SV2A: variants seen among roughly 807,000 people sequenced by gnomAD.
SV2A encodes synaptic vesicle glycoprotein 2A.
Under a neutral mutation model 78.0 loss-of-function variants are expected in SV2A, and 25 were observed. The ratio of observed to expected loss-of-function variants is 0.32; its 90% CI spans 0.23 to 0.45. SV2A has a LOEUF of 0.45. SV2A is among the 20% of genes least tolerant of loss of function. The pLI, the probability that SV2A is intolerant of heterozygous loss-of-function variation, is 1.00. For synonymous variants in SV2A, 355 were observed against 384.7 expected, an observed-to-expected ratio of 0.92 and a Z score of 0.90; for missense variants, 752 against 971.5, an observed-to-expected ratio of 0.77 and a Z score of 3.00.
At chr1:149,905,721 G>A (rs1423778149) in intron 12 of SV2A, 159 bp downstream of exon 12, 15 of 993,200 alleles carry the variant, frequency 1.5e-5, no homozygotes, top group Non-Finnish European at 2.3e-5. Context: ...GGGATTACAG[G>A]CATGAGTCAC....
Position 149,910,029 on chromosome 1 carries a change from G to T in SV2A, c.1090-139C>A. 1.3e-6 allele frequency: 1 copy of T among 750,156 alleles called. No homozygotes were observed. The highest frequency in any genetic ancestry group is 2.3e-6 in the Non-Finnish European group (1 of 439,712). The allele number at this position is 750,156 out of a possible 1,614,324, so 46.5% of individuals were successfully genotyped here. ...GCCCTCAACCCCACCACCAAGCCCT[G>T]ACCTATGGGCATGCACTCACCACTC... On this transcript the variant is annotated intron_variant, in intron 5 of 12. Coordinates refer to ENST00000369146, the MANE Select transcript of SV2A (RefSeq NM_014849.5). This position sits in a 1 kb window ranked among gnomAD's most constrained non-coding sequence, Gnocchi z 4.2.
chr1:149,909,165 C>T lies in SV2A; in HGVS notation c.1379+27G>A, dbSNP rs781952744. On this transcript the variant is annotated intron_variant, in intron 8 of 12. Transcript: ENST00000369146. ...CCCACACACCACCACAACCACCACA[C>T]ATCACCCAGCCCACCCATCTCCTCA... 5 of 1,607,814 alleles carry T rather than the reference C, an allele frequency of 3.1e-6. No individual in the cohort carries two copies. In the African/African-American group the frequency reaches 6.7e-5, roughly 22 times the overall value.
At chr1:149,911,323 CA>C (rs1411786521) in intron 3 of SV2A, among the ~76,000 whole-genome samples, 2 of 152,160 alleles carry the variant, frequency 1.3e-5, no homozygotes, top group Non-Finnish European at 2.9e-5. Flanking sequence ...TGGGAATGGC[CA>C]GAAAGGAGCT....
intron 1 of SV2A, 122 bp from the exon 2 acceptor site, chr1:149,914,309 CT>C (rs111783832): frequency 0.017 from 2,726 of 155,904 alleles, 68 homozygotes; most frequent in African/African-American, 0.059. Context: ...GGTCTTCTCG[CT>C]TTAGGCTCCC....
chr1:149,907,956 A>T, intron 9 of SV2A, 86 bp downstream of exon 9: 5 of 1,572,324 alleles, frequency 3.2e-6, no homozygotes, highest in South Asian at 1.2e-5. Flanking sequence ...TTGCCCCCCA[A>T]ATGTCTTGTC....
At chr1:149,905,549 G>T in intron 12 of SV2A, 1 of 307,318 alleles carries the variant, frequency 3.3e-6, no homozygotes. Flanking sequence ...CACCTCCCGG[G>T]TTCAAGCAAT....
At chr1:149,905,733 G>A (rs782701619) in intron 12 of SV2A, 147 bp downstream of exon 12, 38 of 1,140,638 alleles carry the variant, frequency 3.3e-5, no homozygotes, top group Admixed American at 6.2e-5. Flanking sequence ...ATGAGTCACC[G>A]TGCCCGGCCA....
In SV2A at chr1:149,903,613, G is replaced by C. The variant is rs965021007; in HGVS notation, c.*1401C>G. 1 of 152,200 alleles carries C rather than the reference G, an allele frequency of 6.6e-6. No individual in the cohort carries two copies. Among genetic ancestry groups the C allele is most frequent in the Non-Finnish European group, 1.5e-5 (1 of 68,042 alleles). The allele number at this position is 152,200 out of a possible 1,614,324, so 9.4% of individuals were successfully genotyped here. Reference sequence around the variant, plus strand: ...TACAAAATGGGGAGAGTGACCACAGGGTTGGGGCACTGGACGCAGCATGAC... The same window carrying C: ...TACAAAATGGGGAGAGTGACCACAGCGTTGGGGCACTGGACGCAGCATGAC... On this transcript the variant is annotated 3_prime_UTR_variant, in exon 13 of 13. Coordinates refer to ENST00000369146, the MANE Select transcript of SV2A (RefSeq NM_014849.5).
rs1553762792 is a variant in SV2A, at chr1:149,906,640, T to TC, written c.1885+9dup. On this transcript the variant is annotated intron_variant, in intron 11 of 12. Coordinates refer to ENST00000369146, the MANE Select transcript of SV2A (RefSeq NM_014849.5). The stretch of plus-strand genomic sequence containing the variant: ...CTACTATCAGATCTGACTCAGCCTC[T>TC]CCCCCTTACCAAGCATTCTGAGCCT... 1 of 1,613,588 alleles carries TC rather than the reference T, an allele frequency of 6.2e-7. No individual in the cohort carries two copies. Among genetic ancestry groups the TC allele is most frequent in the Non-Finnish European group, 8.5e-7 (1 of 1,179,828 alleles).
chr1:149,906,431 G>T (rs183062009), intron 11 of SV2A, among the ~76,000 whole-genome samples: 1 of 152,160 alleles, frequency 6.6e-6, no homozygotes, highest in Non-Finnish European at 1.5e-5. Context: ...TAACCTCAAA[G>T]CCTGTGCCCT....
chr1:149,916,741 G>T (rs760076908), intron 1 of SV2A, among the ~76,000 whole-genome samples: 1 of 152,322 alleles, frequency 6.6e-6, no homozygotes, highest in East Asian at 1.9e-4. Context: ...GGGGGCGGGG[G>T]TAGAATGTGG....
chr1:149,912,101 A>T (rs2092479406), intron 2 of SV2A, 121 bp from the exon 3 acceptor site: 1 of 971,132 alleles, frequency 1.0e-6, no homozygotes, highest in Non-Finnish European at 1.5e-6. Flanking sequence ...GTCTACCCAG[A>T]GATTAGAGCA....
chr1:149,905,872 C>T lies in SV2A; in HGVS notation c.2045+8G>A, dbSNP rs782554285. The T allele has an allele frequency of 1.7e-5, 28 of 1,613,732 alleles. No homozygotes were observed. The highest frequency in any genetic ancestry group is 5.0e-5 in the Admixed American group (3 of 59,994). ...TCCACTGCCCTGCCTCCAACACATT[C>T]CAACTACCTCTTGTCTGAGGGGTAG... On this transcript the variant is annotated splice_region_variant and intron_variant, in intron 12 of 12. Coordinates refer to ENST00000369146, the MANE Select transcript of SV2A (RefSeq NM_014849.5).
At chr1:149,916,428 G>C (rs1000695415) in intron 1 of SV2A, among the ~76,000 whole-genome samples, 1 of 152,240 alleles carries the variant, frequency 6.6e-6, no homozygotes, top group Non-Finnish European at 1.5e-5. Context: ...AAGCCTGGGG[G>C]AGTGAGACAA....
rs1553764126 is a variant in SV2A at position 149,913,576 on chromosome 1, C to T, written c.265G>A (p.Glu89Lys). Residue 89 changes from glutamate (E) to lysine (K), a missense_variant, in exon 2 of 13, where the codon GAG becomes AAG. By Grantham distance (56) the Glu-to-Lys change is moderately conservative. Transcript: ENST00000369146. ...TCCCCTTCATAGATCTCATCATCCT[C>T]GTCATGGCCCTCAGTAGCATCACTG... ...ASSDATEGHD[E>K]DDEIYEGEYQ... is the part of the protein sequence containing the mutation. The T allele has an allele frequency of 1.2e-6, 2 of 1,613,988 alleles. No individual in the cohort carries two copies. The highest frequency in any genetic ancestry group is 1.7e-6 in the Non-Finnish European group (2 of 1,180,032).
At chr1:149,912,661 C>T (rs1184938280) in intron 2 of SV2A, among the ~76,000 whole-genome samples, 2 of 152,024 alleles carry the variant, frequency 1.3e-5, no homozygotes, top group African/African-American at 4.8e-5. Context: ...TGTGAGTCTA[C>T]GGGGTTCCTC....
At position 149,911,920 on chromosome 1, in the gene SV2A, C is replaced by A; in HGVS notation, c.683G>T (p.Arg228Leu). 6.2e-7 allele frequency: 1 copy of A among 1,614,170 alleles called. No homozygotes were observed. ...GAFLWGGLAD[R>L]LGRRQCLLIS... is the part of the protein sequence containing the mutation. ...GAGCAGACACTGCCTCCGACCCAGC[C>A]GGTCAGCCAGACCTCCCCAGAGGAA... Residue 228 changes from arginine to leucine, a missense_variant, in exon 3 of 13, where the codon CGG becomes CTG. By Grantham distance (102) the Arg-to-Leu change is moderately radical. This residue lies in a region of SV2A where 291 missense variants were observed against 359.5 expected (regional missense o/e 0.81). Transcript: ENST00000369146.
At chr1:149,905,769 A>G in intron 12 of SV2A, 111 bp downstream of exon 12, 1 of 1,421,820 alleles carries the variant, frequency 7.0e-7, no homozygotes, top group Non-Finnish European at 9.6e-7. Context: ...AGAGGAGAAA[A>G]TGGAAATGTA....
intron 1 of SV2A, among the ~76,000 whole-genome samples, chr1:149,916,110 G>A (rs1002203466): frequency 1.2e-4 from 19 of 152,250 alleles, no homozygotes; most frequent in South Asian, 2.1e-4. Context: ...CTGGAACTGC[G>A]GAATCCCCTC....
Sources: gnomAD v4.1 joint callset for allele counts (sites outside exome capture counted in the v4.1 genomes callset) on GRCh38, gnomAD v4.1.1 for gene constraint, gnomAD v4.1.1 regional missense constraint, Gnocchi (gnomAD v3.1) non-coding constraint, MANE v1.5 for transcripts, NCBI Gene and HGNC (gene_info 2026-07-23, HGNC 2026-07-21) for gene names.